PTPRD: variants seen among roughly 807,000 people sequenced by gnomAD.
PTPRD encodes receptor-type tyrosine-protein phosphatase delta.
In PTPRD, 34 loss-of-function variants were observed where a neutral mutation model predicts 214.5. That is an observed-to-expected ratio of 0.16 (90% CI 0.12 to 0.21). The LOEUF is 0.21. PTPRD is among the 10% of genes least tolerant of loss of function. The pLI is 1.00. For synonymous variants in PTPRD, 1,128 were observed against 845.7 expected (o/e 1.33, Z -5.79); for missense variants, 2,545 against 2,398.7 (o/e 1.06, Z -1.27).
chr9:9,291,683 G>C (rs371408387), intron 9 of PTPRD, among the ~76,000 whole-genome samples: 2 of 150,246 alleles, frequency 1.3e-5, no homozygotes, highest in Non-Finnish European at 1.5e-5. Context: ...CTATTTAAAG[G>C]GTAATTGTGA....
At chr9:9,968,395 A>G (rs1291178242) in intron 4 of PTPRD, among the ~76,000 whole-genome samples, 1 of 152,256 alleles carries the variant, frequency 6.6e-6, no homozygotes, top group Non-Finnish European at 1.5e-5. Context: ...AGTAAATGTA[A>G]CAGCAAGATA....
intron 44 of PTPRD, 50 bp downstream of exon 44, chr9:8,331,532 T>A (rs1230355405): frequency 6.6e-7 from 1 of 1,517,670 alleles, no homozygotes; most frequent in South Asian, 1.3e-5. Context: ...ATACAGACAA[T>A]GAAGAAACAC....
At chr9:9,532,093 T>A (rs555734040) in intron 8 of PTPRD, among the ~76,000 whole-genome samples, 22 of 152,200 alleles carry the variant, frequency 1.4e-4, no homozygotes, top group African/African-American at 5.3e-4. Context: ...GTCTCATATA[T>A]GGTTCTCGAC....
intron 11 of PTPRD, among the ~76,000 whole-genome samples, chr9:8,862,851 T>C (rs1424031861): frequency 6.6e-6 from 1 of 150,894 alleles, no homozygotes; most frequent in Admixed American, 6.6e-5. Flanking sequence ...TTCTCACTCA[T>C]AGGTGGGAAT....
intron 26 of PTPRD, 90 bp downstream of exon 26, chr9:8,497,152 T>C: frequency 4.3e-6 from 5 of 1,153,194 alleles, no homozygotes; most frequent in Non-Finnish European, 6.2e-6. Flanking sequence ...CCAAGCAAAC[T>C]GTGATGACAG....
At chr9:9,969,333 ACT>A (rs992284771) in intron 4 of PTPRD, among the ~76,000 whole-genome samples, 3 of 151,374 alleles carry the variant, frequency 2.0e-5, no homozygotes, top group Non-Finnish European at 4.4e-5. Flanking sequence ...GCCTCATTAA[ACT>A]CTCTCTTTCC....
chr9:9,734,410 T>A (rs554008414), intron 7 of PTPRD, 123 bp downstream of exon 7: 9 of 151,760 alleles, frequency 5.9e-5, no homozygotes, highest in Non-Finnish European at 1.0e-4. Context: ...AAGATGGAAA[T>A]GAGGGGAGAT....
intron 5 of PTPRD, among the ~76,000 whole-genome samples, chr9:9,837,223 G>T (rs1057069857): frequency 6.6e-6 from 1 of 152,062 alleles, no homozygotes; most frequent in African/African-American, 2.4e-5. Context: ...TAATAAATGA[G>T]AAAAGAAATG....
At chr9:9,550,048 T>A (rs1042822731) in intron 8 of PTPRD, among the ~76,000 whole-genome samples, 10 of 152,046 alleles carry the variant, frequency 6.6e-5, no homozygotes, top group Non-Finnish European at 1.5e-4. Context: ...GCTGTGAATA[T>A]ATTTTTAAAA....
Position 8,426,086 on chromosome 9 carries a change from C to A in PTPRD, c.4086+10506G>T, listed in dbSNP as rs559009295. On this transcript the variant is annotated intron_variant, in intron 35 of 45. Coordinates refer to ENST00000381196, the MANE Select transcript of PTPRD (RefSeq NM_002839.4). ...TAAAAATCACTTGAGAAAAAAAAGT[C>A]ATGTTAAGTGACTGACAGATAGGTC... is the stretch of plus-strand genomic sequence containing the variant. Among the ~76,000 whole-genome samples, 4 of 152,220 alleles carry A rather than the reference C, an allele frequency of 2.6e-5. No individual in the cohort carries two copies. In the South Asian group the frequency reaches 8.3e-4, roughly 32 times the overall value.
chr9:10,352,328 A>C (rs1445986340), intron 2 of PTPRD, among the ~76,000 whole-genome samples: 2 of 152,034 alleles, frequency 1.3e-5, no homozygotes, highest in Non-Finnish European at 2.9e-5. Context: ...TACTTGACTC[A>C]ATATTAGTAC....
At chr9:8,837,731 G>C (rs1190451584) in intron 11 of PTPRD, among the ~76,000 whole-genome samples, 4 of 152,066 alleles carry the variant, frequency 2.6e-5, no homozygotes, top group African/African-American at 9.7e-5. Context: ...CAAACTTCTA[G>C]ACTCAAGTGA....
chr9:8,974,749 T>A (rs1385728714), intron 11 of PTPRD, among the ~76,000 whole-genome samples: 1 of 152,008 alleles, frequency 6.6e-6, no homozygotes, highest in East Asian at 1.9e-4. Flanking sequence ...GTATATACTA[T>A]TAGTATATAA....
intron 11 of PTPRD, among the ~76,000 whole-genome samples, chr9:8,776,786 A>C (rs1218803774): frequency 6.8e-6 from 1 of 147,826 alleles, no homozygotes. Context: ...TTTAAAAAAT[A>C]TGTATTATAT....
At position 9,822,584 on chromosome 9, in the gene PTPRD, C is replaced by G. The variant is rs188543693; in HGVS notation, c.-367-55733G>C. Among the ~76,000 whole-genome samples, 1,096 of 149,140 alleles carry G rather than the reference C, an allele frequency of 7.3e-3. 5 individuals are homozygous for G. Among genetic ancestry groups the G allele is most frequent in the Non-Finnish European group, 0.013 (843 of 67,398 alleles). On this transcript the variant is annotated intron_variant, in intron 5 of 45. Coordinates refer to ENST00000381196, the MANE Select transcript of PTPRD (RefSeq NM_002839.4). ...ATCATATCATCCATTTATTTTTTTCCTTTCTTCTTGTTAAATTATTTGTAA... is the reference window on the plus strand; with the variant it reads ...ATCATATCATCCATTTATTTTTTTCGTTTCTTCTTGTTAAATTATTTGTAA...
intron 3 of PTPRD, among the ~76,000 whole-genome samples, chr9:10,335,365 G>C (rs752145300): frequency 6.6e-5 from 10 of 151,618 alleles, no homozygotes; most frequent in Non-Finnish European, 1.2e-4. Context: ...AATGGTGCCT[G>C]GTACAAATAG....
intron 11 of PTPRD, among the ~76,000 whole-genome samples, chr9:8,810,416 T>C (rs956127846): frequency 6.6e-6 from 1 of 152,160 alleles, no homozygotes; most frequent in African/African-American, 2.4e-5. Flanking sequence ...ACCCTGGATC[T>C]CAAGCTCCCC....
intron 8 of PTPRD, among the ~76,000 whole-genome samples, chr9:9,483,866 A>AT (rs1281403691): frequency 1.3e-5 from 2 of 151,594 alleles, no homozygotes; most frequent in East Asian, 1.9e-4. Context: ...TGAAGTTAAA[A>AT]TTTTGAAAAT....
intron 11 of PTPRD, among the ~76,000 whole-genome samples, chr9:8,997,939 C>G (rs1387486270): frequency 6.6e-6 from 1 of 152,060 alleles, no homozygotes; most frequent in Admixed American, 6.6e-5. Flanking sequence ...TTCCTCAATA[C>G]TAATCCAGAC....
Sources: allele counts gnomAD v4.1 joint callset (sites outside exome capture counted in the v4.1 genomes callset), GRCh38; gene constraint gnomAD v4.1.1; transcripts MANE v1.5; gene names NCBI Gene and HGNC (gene_info 2026-07-23, HGNC 2026-07-21).